The following NOL4L variants were observed in gnomAD, a reference collection of about 807,000 sequenced individuals.
NOL4L encodes the protein nucleolar protein 4-like.
In NOL4L, 7 loss-of-function variants were observed where a neutral mutation model predicts 64.5. That is an observed-to-expected ratio of 0.11 (90% confidence interval 0.06 to 0.20). The LOEUF is 0.20. Among genes scored for constraint, NOL4L ranks in the 10% least tolerant of loss-of-function variants. NOL4L has a pLI of 1.00. For synonymous variants in NOL4L, 413 were observed against 401.0 expected, an observed-to-expected ratio of 1.03 and a Z score of -0.36; for missense variants, 680 against 967.1, an observed-to-expected ratio of 0.70 and a Z score of 3.94.
chr20:32,468,541 C>T (rs921234588), intron 5 of NOL4L, among the ~76,000 whole-genome samples: 1 of 152,178 alleles, frequency 6.6e-6, no homozygotes, highest in African/African-American at 2.4e-5. Context: ...AAGCCCAGGA[C>T]AGGAGACTCA....
intron 4 of NOL4L, chr20:32,483,417 G>A (rs1300296948): frequency 3.0e-6 from 3 of 987,072 alleles, no homozygotes; most frequent in Non-Finnish European, 3.6e-6. Context: ...GAGCGGGGCG[G>A]GCGGCGGTGA....
At chr20:32,572,884 C>T (rs894466982) in intron 1 of NOL4L, among the ~76,000 whole-genome samples, 1 of 152,154 alleles carries the variant, frequency 6.6e-6, no homozygotes, top group Non-Finnish European at 1.5e-5. Context: ...TCCCCTGCCC[C>T]GGACTCCATG....
Position 32,536,172 on chromosome 20 carries a change from T to G in NOL4L, c.322-8259A>C, listed in dbSNP as rs150666175. ...CTAGAAGACACCCATTAAAGAGCTCTGTCTGCTACTCTGGCGACCCGCCTC... is the reference window on the plus strand; with the variant it reads ...CTAGAAGACACCCATTAAAGAGCTCGGTCTGCTACTCTGGCGACCCGCCTC... On this transcript the variant is annotated intron_variant, in intron 1 of 10. Transcript: ENST00000621426. 195 of 984,098 alleles carry G rather than the reference T, an allele frequency of 2.0e-4. 1 individual carries two copies. In the East Asian group the frequency reaches 0.02, roughly 102 times the overall value. 61.0% of individuals were successfully genotyped at this position (984,098 alleles called of 1,614,324 possible).
At position 32,468,666 on chromosome 20, in the gene NOL4L, C is replaced by T. The variant is rs373830714; in HGVS notation, c.841+5935G>A. Among the ~76,000 whole-genome samples, 10 of 151,976 alleles carry T rather than the reference C, an allele frequency of 6.6e-5. No homozygotes were observed. In the East Asian group the frequency reaches 9.7e-4, roughly 15 times the overall value. On this transcript the variant is annotated intron_variant, in intron 5 of 10. Transcript: ENST00000621426. Reference sequence around the variant, plus strand: ...CTGTAATCCCTGCATTTTGGGAGGCCGAGGCGGGCAGATCATGAGGTCAGG... The same window carrying T: ...CTGTAATCCCTGCATTTTGGGAGGCTGAGGCGGGCAGATCATGAGGTCAGG...
intron 1 of NOL4L, among the ~76,000 whole-genome samples, chr20:32,556,988 C>T (rs1032225057): frequency 6.6e-6 from 1 of 152,176 alleles, no homozygotes; most frequent in Non-Finnish European, 1.5e-5. Context: ...CAGGTAGACC[C>T]GATTTTAAAT....
At chr20:32,582,321 G>A (rs1253692043) in intron 1 of NOL4L, among the ~76,000 whole-genome samples, 2 of 152,280 alleles carry the variant, frequency 1.3e-5, no homozygotes, top group South Asian at 2.1e-4. Context: ...TGAGAGCCAG[G>A]GTGGAGACTG....
intron 1 of NOL4L, among the ~76,000 whole-genome samples, chr20:32,563,827 C>T (rs1053630183): frequency 5.9e-5 from 9 of 152,182 alleles, no homozygotes; most frequent in Admixed American, 5.9e-4. Context: ...GGGACATTGC[C>T]TGGTCTCCCG....
Position 32,520,896 on chromosome 20 carries a change from C to A in NOL4L, c.504G>T (p.Pro168=). The stretch of plus-strand genomic sequence containing the variant: ...TCAGGAACCGGGTCACGGCCTCTCT[C>A]GGGAGGAAGGCATAGGTCTCTGCGA... The part of the protein sequence containing the change: ...RAIAETYAFL[P]REAVTRFLMS... Residue 168 remains proline, a synonymous_variant, in exon 3 of 11, where the codon CCG becomes CCT. Transcript: ENST00000621426. 1 of 1,550,432 alleles carries A rather than the reference C, an allele frequency of 6.4e-7. No individual in the cohort carries two copies. Among genetic ancestry groups the A allele is most frequent in the Non-Finnish European group, 8.7e-7 (1 of 1,146,870 alleles).
chr20:32,533,670 A>G (rs909324152), intron 1 of NOL4L, among the ~76,000 whole-genome samples: 5 of 152,254 alleles, frequency 3.3e-5, no homozygotes, highest in Non-Finnish European at 5.9e-5. Context: ...GATTATGGAT[A>G]GAAAGAGCAG....
intron 3 of NOL4L, among the ~76,000 whole-genome samples, chr20:32,513,142 C>T (rs542375864): frequency 3.9e-5 from 6 of 152,260 alleles, no homozygotes; most frequent in Admixed American, 6.5e-5. Context: ...ATTTCCATAG[C>T]GTGAGGAAAA....
intron 4 of NOL4L, chr20:32,510,478 G>T (rs1175928631): frequency 1.2e-5 from 2 of 173,076 alleles, no homozygotes; most frequent in East Asian, 3.0e-4. Flanking sequence ...TTGTCAAGGA[G>T]ACCAGTGCAC....
intron 4 of NOL4L, among the ~76,000 whole-genome samples, chr20:32,509,535 A>G (rs913425475): frequency 5.3e-5 from 8 of 150,576 alleles, no homozygotes; most frequent in Non-Finnish European, 8.9e-5. Context: ...AAAAAAAAAA[A>G]AAAAAGAAAA....
intron 5 of NOL4L, among the ~76,000 whole-genome samples, chr20:32,470,117 G>A (rs947419401): frequency 3.9e-5 from 6 of 152,246 alleles, no homozygotes; most frequent in Admixed American, 1.3e-4. Flanking sequence ...CAGGCCCAGC[G>A]AGCAGACCCC....
intron 5 of NOL4L, among the ~76,000 whole-genome samples, chr20:32,461,116 G>C (rs898697664): frequency 2.0e-5 from 3 of 152,238 alleles, no homozygotes; most frequent in Admixed American, 2.0e-4. Flanking sequence ...GGTCCAGCCT[G>C]TCCCTCGGCC....
intron 1 of NOL4L, among the ~76,000 whole-genome samples, chr20:32,558,071 T>C (rs1978773969): frequency 2.0e-5 from 3 of 152,088 alleles, no homozygotes; most frequent in African/African-American, 7.2e-5. Flanking sequence ...AGTAATAATG[T>C]GAATGCACTG....
At chr20:32,517,499 A>G (rs2017721933) in intron 3 of NOL4L, among the ~76,000 whole-genome samples, 1 of 152,194 alleles carries the variant, frequency 6.6e-6, no homozygotes, top group African/African-American at 2.4e-5. Context: ...GAACCTGGGG[A>G]CGGTCCAGGA....
intron 5 of NOL4L, chr20:32,465,035 C>T (rs1386555129): frequency 2.7e-5 from 17 of 635,886 alleles, no homozygotes; most frequent in Non-Finnish European, 4.6e-5. Context: ...CTGCAGAGAC[C>T]CTGGGGTTCC....
At chr20:32,540,960 G>A (rs889349955) in intron 1 of NOL4L, among the ~76,000 whole-genome samples, 4 of 148,708 alleles carry the variant, frequency 2.7e-5, no homozygotes, top group Non-Finnish European at 3.0e-5. Flanking sequence ...TTGCCCCACC[G>A]ATCTCATGTC....
At chr20:32,566,670 G>C (rs919029481) in intron 1 of NOL4L, among the ~76,000 whole-genome samples, 4 of 152,072 alleles carry the variant, frequency 2.6e-5, no homozygotes, top group Non-Finnish European at 5.9e-5. Flanking sequence ...TGCTCCTACG[G>C]GGCTCTGCTC....
Sources: gnomAD v4.1 joint callset for allele counts (sites outside exome capture counted in the v4.1 genomes callset) on GRCh38, gnomAD v4.1.1 for gene constraint, MANE v1.5 for transcripts, NCBI Gene and HGNC (gene_info 2026-07-23, HGNC 2026-07-21) for gene names.